The following ZFHX3 variants were observed in gnomAD, a reference collection of about 807,000 sequenced individuals.
The protein encoded by ZFHX3 is zinc finger homeobox 3.
ZFHX3 carries 42 observed loss-of-function variants against 279.1 expected under a neutral mutation model. That is an observed-to-expected ratio of 0.15 (90% CI 0.12 to 0.19). The LOEUF (loss-of-function observed/expected upper bound fraction) is 0.19. Among genes scored for constraint, ZFHX3 ranks in the 10% least tolerant of loss-of-function variants. The pLI is 1.00. For synonymous variants in ZFHX3, 2,293 were observed against 1,957.8 expected (o/e 1.17, Z -4.52); for missense variants, 4,981 against 4,754.0 (o/e 1.05, Z -1.40).
intron 4 of ZFHX3, among the ~76,000 whole-genome samples, chr16:73,279,053 T>C (rs2014389909): frequency 6.6e-6 from 1 of 152,222 alleles, no homozygotes; most frequent in Admixed American, 6.5e-5. Flanking sequence ...TCCTTTATAA[T>C]CTTAAACTTC....
chr16:73,340,366 T>C (rs191552635), intron 3 of ZFHX3, among the ~76,000 whole-genome samples: 5 of 152,354 alleles, frequency 3.3e-5, no homozygotes, highest in Admixed American at 3.3e-4. Flanking sequence ...TATTTATTTA[T>C]TTACTTATTC....
At chr16:73,422,219 G>C (rs1207491463) in intron 3 of ZFHX3, among the ~76,000 whole-genome samples, 1 of 147,872 alleles carries the variant, frequency 6.8e-6, no homozygotes, top group African/African-American at 2.5e-5. Context: ...TTTTCTATTT[G>C]GGAGGCCACC....
intron 1 of ZFHX3, among the ~76,000 whole-genome samples, chr16:72,999,925 C>T (rs760422938): frequency 7.2e-5 from 11 of 152,152 alleles, no homozygotes; most frequent in East Asian, 3.9e-4. Context: ...CAGGGCAACC[C>T]GGGGAAAATG....
chr16:73,394,873 A>G (rs2017095538), intron 3 of ZFHX3, among the ~76,000 whole-genome samples: 1 of 152,194 alleles, frequency 6.6e-6, no homozygotes. Flanking sequence ...CATTTGGCAG[A>G]TAAGGAAACC....
chr16:73,255,998 A>C (rs947109368), intron 5 of ZFHX3, among the ~76,000 whole-genome samples: 6 of 152,186 alleles, frequency 3.9e-5, no homozygotes, highest in African/African-American at 1.4e-4. Flanking sequence ...CAGTGATGAC[A>C]CCCTGAGGAG....
chr16:72,972,518 T>C lies in ZFHX3; in HGVS notation c.-49-12324A>G, dbSNP rs573971442. 9.1e-4 allele frequency among the ~76,000 whole-genome samples: 139 copies of C among 152,208 alleles called. 2 individuals carry two copies. In the Middle Eastern group the frequency reaches 0.034, roughly 37 times the overall value. On this transcript the variant is annotated intron_variant, in intron 1 of 9. Transcript: ENST00000268489. The stretch of plus-strand genomic sequence containing the variant: ...TGCATCAATCATTTTCAAGCTTTCT[T>C]GTGCAGTGGAACCAACTATGCGGCA...
At position 72,793,875 on chromosome 16, in the gene ZFHX3, T is replaced by C. The variant is rs1057249065; in HGVS notation, c.8807A>G (p.Lys2936Arg). 1.2e-6 allele frequency: 2 copies of C among 1,614,184 alleles called. No homozygotes were observed. Among genetic ancestry groups the C allele is most frequent in the South Asian group, 1.1e-5 (1 of 91,080 alleles). The change falls in exon 9 of 10, where the codon AAA (lysine) becomes AGA (arginine). Residue 2936 changes from lysine to arginine, a missense_variant. Coordinates refer to ENST00000268489, the MANE Select transcript of ZFHX3 (RefSeq NM_006885.4). The surrounding 1 kb of genome is among the most constrained non-coding windows in gnomAD (Gnocchi z 4.3). ...PSPGASGSAG[K>R]SGDSGDRPGQ... ...AGGCCGATCTCCGCTGTCACCAGAT[T>C]TGCCTGCAGATCCACTCGCACCAGG...
chr16:72,829,741 A>C (rs2037020141), intron 5 of ZFHX3, 38 bp downstream of exon 5: 1 of 1,609,932 alleles, frequency 6.2e-7, no homozygotes, highest in African/African-American at 1.3e-5. Flanking sequence ...AAGGACAGCC[A>C]CACACACTAC....
chr16:72,930,617 C>CA (rs1478291340), intron 3 of ZFHX3, among the ~76,000 whole-genome samples: 7 of 152,120 alleles, frequency 4.6e-5, no homozygotes, highest in Admixed American at 1.3e-4. Flanking sequence ...TTGAAAGCTA[C>CA]ACAGCTATAA....
chr16:73,843,257 A>G (rs1219161382), intron 1 of ZFHX3, among the ~76,000 whole-genome samples: 1 of 152,256 alleles, frequency 6.6e-6, no homozygotes, highest in Admixed American at 6.5e-5. Context: ...GAACAAGTCA[A>G]TCACGCCAAT....
At chr16:73,510,431 C>T (rs553548791) in intron 2 of ZFHX3, among the ~76,000 whole-genome samples, 2 of 152,252 alleles carry the variant, frequency 1.3e-5, no homozygotes, top group East Asian at 1.9e-4. Flanking sequence ...TATTCATTGT[C>T]TATGACATTT....
intron 1 of ZFHX3, among the ~76,000 whole-genome samples, chr16:72,982,972 C>G (rs150498636): frequency 2.0e-5 from 3 of 152,140 alleles, no homozygotes; most frequent in African/African-American, 7.2e-5. Context: ...GTGGGGGTAA[C>G]GTAAAGGGTG....
rs747650481 is a variant in ZFHX3, at chr16:72,889,856, C to T, written c.3323G>A (p.Arg1108His). The T allele has an allele frequency of 5.0e-6, 8 of 1,614,008 alleles. No individual in the cohort carries two copies. The highest frequency in any genetic ancestry group is 3.3e-5 in the Admixed American group (2 of 60,006). Residue 1108 changes from arginine to histidine, a missense_variant, in exon 4 of 10, where the codon CGC (arginine) becomes CAC (histidine). This residue lies in a region of ZFHX3 where 1,751 missense variants were observed against 1,770.0 expected (regional missense o/e 0.99). Coordinates refer to ENST00000268489, the MANE Select transcript of ZFHX3 (RefSeq NM_006885.4). ...CTCGCTTCGCTGGTGCTTCATGGAG[C>T]GCACATGCTGGATGAGGTTGAGCTT... Reference protein sequence around the residue: ...KAKLNLIQHVRSMKHQRSESL... With the variant: ...KAKLNLIQHVHSMKHQRSESL...
chr16:73,276,566 T>C (rs1316622938), intron 4 of ZFHX3, among the ~76,000 whole-genome samples: 1 of 152,206 alleles, frequency 6.6e-6, no homozygotes, highest in Non-Finnish European at 1.5e-5. Flanking sequence ...TGTAAAAAAA[T>C]TATACTCTTC....
At chr16:73,337,887 C>T (rs1270170324) in intron 3 of ZFHX3, among the ~76,000 whole-genome samples, 4 of 41,510 alleles carry the variant, frequency 9.6e-5, no homozygotes, top group Non-Finnish European at 3.5e-4. Flanking sequence ...TTCATCTTCC[C>T]TTGGCGGGGG....
At chr16:73,450,298 T>C (rs1221727268) in intron 3 of ZFHX3, among the ~76,000 whole-genome samples, 2 of 152,228 alleles carry the variant, frequency 1.3e-5, no homozygotes, top group African/African-American at 4.8e-5. Flanking sequence ...TGTATCTGTC[T>C]CACTGTTCTC....
chr16:73,005,207 A>C (rs919781276), intron 1 of ZFHX3, among the ~76,000 whole-genome samples: 2 of 152,226 alleles, frequency 1.3e-5, no homozygotes, highest in Admixed American at 6.5e-5. Flanking sequence ...GTTCATATAA[A>C]GTCTTGGTCT....
intron 2 of ZFHX3, among the ~76,000 whole-genome samples, chr16:73,553,604 C>A (rs1007114852): frequency 6.6e-6 from 1 of 152,200 alleles, no homozygotes; most frequent in Non-Finnish European, 1.5e-5. Flanking sequence ...CTGGTCACCT[C>A]CAATGTCACT....
intron 1 of ZFHX3, among the ~76,000 whole-genome samples, chr16:73,769,540 G>A (rs1216207356): frequency 6.6e-6 from 1 of 152,088 alleles, no homozygotes; most frequent in South Asian, 2.1e-4. Context: ...TTTATATGCA[G>A]GAATTCCAGA....
Sources: gnomAD v4.1 joint callset for allele counts (sites outside exome capture counted in the v4.1 genomes callset) on GRCh38, gnomAD v4.1.1 for gene constraint, gnomAD v4.1.1 regional missense constraint, Gnocchi (gnomAD v3.1) non-coding constraint, MANE v1.5 for transcripts, NCBI Gene and HGNC (gene_info 2026-07-23, HGNC 2026-07-21) for gene names.